The following JUNB variants were observed in gnomAD, a reference collection of about 807,000 sequenced individuals.
The protein encoded by JUNB is transcription factor JunB.
JUNB carries 6 observed loss-of-function variants against 16.4 expected under a neutral mutation model. The ratio of observed to expected loss-of-function variants is 0.37; its 90% CI spans 0.20 to 0.72. The LOEUF (loss-of-function observed/expected upper bound fraction) is 0.72, where lower values mean the gene tolerates loss of function less well. Ranked by LOEUF, JUNB falls within the 30% of genes least tolerant of loss-of-function variation. The pLI, the probability that JUNB is intolerant of heterozygous loss-of-function variation, is 0.53. For missense variants in JUNB, 389 were observed against 492.9 expected (o/e 0.79, Z 2.00); for synonymous variants, 226 against 232.8 (o/e 0.97, Z 0.27).
At position 12,791,656 on chromosome 19, in the gene JUNB, G is replaced by A. The variant is rs1599522864; in HGVS notation, c.-116G>A. ...CTGCTACCCGCCCGCGCCAGCCCCC[G>A]AGAACGCGCGACCAGGCACCCAGTC... On this transcript the variant is annotated 5_prime_UTR_variant, in exon 1 of 1. Transcript: ENST00000302754. This position sits in a 1 kb window ranked among gnomAD's most constrained non-coding sequence, Gnocchi z 7.0. The A allele has an allele frequency of 1.5e-5, 11 of 719,532 alleles. No individual in the cohort carries two copies. The South Asian group carries it at 1.9e-4, about 13-fold the overall frequency. The allele number at this position is 719,532 out of a possible 1,614,324, so 44.6% of individuals were successfully genotyped here.
In JUNB at chr19:12,791,762, G is replaced by C. The variant is rs777534724; in HGVS notation, c.-10G>C. On this transcript the variant is annotated 5_prime_UTR_variant, in exon 1 of 1. Coordinates refer to ENST00000302754, the MANE Select transcript of JUNB (RefSeq NM_002229.3). The surrounding 1 kb of genome is among the most constrained non-coding windows in gnomAD (Gnocchi z 7.0). ...GCAGGGACCCTCCCCAGACCGCCTG[G>C]GCCGCCCGGATGTGCACTAAAATGG... The C allele has an allele frequency of 1.9e-6, 3 of 1,591,732 alleles. No homozygotes were observed. Among genetic ancestry groups the C allele is most frequent in the Non-Finnish European group, 2.6e-6 (3 of 1,165,992 alleles).
chr19:12,792,069 A>G lies in JUNB; in HGVS notation c.298A>G (p.Thr100Ala). 1 of 1,608,090 alleles carries G rather than the reference A, an allele frequency of 6.2e-7. No homozygotes were observed. Among genetic ancestry groups the G allele is most frequent in the Non-Finnish European group, 8.5e-7 (1 of 1,177,944 alleles). The change falls in exon 1 of 1, where the codon ACG becomes GCG. Residue 100 changes from threonine to alanine, a missense_variant. Thr to Ala is a moderately conservative substitution (Grantham distance 58, BLOSUM62 0). Transcript: ENST00000302754. Reference sequence around the variant, plus strand: ...TGTCCCCAACAGCAACGGCGTGATCACGACGACGCCTACACCCCCGGGACA... The same window carrying G: ...TGTCCCCAACAGCAACGGCGTGATCGCGACGACGCCTACACCCCCGGGACA... ...LIVPNSNGVI[T>A]TTPTPPGQYF...
chr19:12,791,824 C>G lies in JUNB; in HGVS notation c.53C>G (p.Thr18Arg), dbSNP rs953847426. The change falls in exon 1 of 1, where the codon ACG becomes AGG. Residue 18 changes from threonine to arginine, a missense_variant. Around this residue, in one of 2 missense-constraint regions of JUNB, gnomAD observed 349 missense variants for 389.8 expected, o/e 0.90. Transcript: ENST00000302754. The surrounding 1 kb of genome is among the most constrained non-coding windows in gnomAD (Gnocchi z 7.0). ...PFYHDDSYTA[T>R]GYGRAPGGLS... ...TACCACGACGACTCATACACAGCTA[C>G]GGGATACGGCCGGGCCCCTGGTGGC... is the stretch of plus-strand genomic sequence containing the variant. 6.2e-7 allele frequency: 1 copy of G among 1,613,624 alleles called. No homozygotes were observed. The highest frequency in any genetic ancestry group is 1.1e-5 in the South Asian group (1 of 91,066).
Position 12,792,152 on chromosome 19 carries a change from C to G in JUNB, c.381C>G (p.Gly127=). ...GAGGTGCAGGGGGCGCAGGGGGCGG[C>G]GTCACCGAGGAGCAGGAGGGCTTCG... ...SGGGAGGAGG[G]VTEEQEGFAD... The change falls in exon 1 of 1, where the codon GGC becomes GGG. Residue 127 remains glycine, a synonymous_variant. Transcript: ENST00000302754. 6.3e-7 allele frequency: 1 copy of G among 1,595,718 alleles called. No individual in the cohort carries two copies. Among genetic ancestry groups the G allele is most frequent in the Non-Finnish European group, 8.5e-7 (1 of 1,172,316 alleles).
rs569922558 is a variant in JUNB, at chr19:12,792,840, C to T, written c.*25C>T. The T allele has an allele frequency of 6.3e-7, 1 of 1,579,028 alleles. No homozygotes were observed. The highest frequency in any genetic ancestry group is 8.7e-7 in the Non-Finnish European group (1 of 1,155,750). ...AACGTCCCCTGCCCCTTTACGGACA[C>T]CCCCTCGCTTGGACGGCTGGGCACA... On this transcript the variant is annotated 3_prime_UTR_variant, in exon 1 of 1. Coordinates refer to ENST00000302754, the MANE Select transcript of JUNB (RefSeq NM_002229.3).
rs1322030147 is a variant in JUNB, at chr19:12,792,862, C to T, written c.*47C>T. 4.5e-6 allele frequency: 7 copies of T among 1,554,356 alleles called. No homozygotes were observed. In the East Asian group the frequency reaches 9.3e-5, roughly 21 times the overall value. ...ACACCCCCTCGCTTGGACGGCTGGG[C>T]ACACGCCTCCCACTGGGGTCCAGGG... On this transcript the variant is annotated 3_prime_UTR_variant, in exon 1 of 1. Transcript: ENST00000302754.
At position 12,792,374 on chromosome 19, in the gene JUNB, C is replaced by T. The variant is rs780859470; in HGVS notation, c.603C>T (p.Ala201=). The change falls in exon 1 of 1, where the codon GCC becomes GCT. Residue 201 remains alanine (A), a synonymous_variant. Transcript: ENST00000302754. ...ASASSGGAGA[A]VGTGSSYPTT... is the part of the protein sequence containing the mutation. ...CGTCCTCGGGAGGCGCCGGGGCTGC[C>T]GTCGGGACCGGGAGCTCGTACCCGA... The T allele has an allele frequency of 1.9e-6, 3 of 1,568,848 alleles. No individual in the cohort carries two copies. The highest frequency in any genetic ancestry group is 1.7e-6 in the Non-Finnish European group (2 of 1,159,692).
Position 12,791,807 on chromosome 19 carries a change from C to G in JUNB, c.36C>G (p.Asp12Glu). The G allele has an allele frequency of 6.2e-7, 1 of 1,612,782 alleles. No homozygotes were observed. Among genetic ancestry groups the G allele is most frequent in the African/African-American group, 1.3e-5 (1 of 75,008 alleles). The change falls in exon 1 of 1, where the codon GAC becomes GAG. Residue 12 changes from aspartate (D) to glutamate (E), a missense_variant. Asp to Glu is a conservative substitution (Grantham distance 45). Transcript: ENST00000302754. This position sits in a 1 kb window ranked among gnomAD's most constrained non-coding sequence, Gnocchi z 7.0. ...CTKMEQPFYH[D>E]DSYTATGYGR... Reference sequence around the variant, plus strand: ...AAATGGAACAGCCCTTCTACCACGACGACTCATACACAGCTACGGGATACG... The same window carrying G: ...AAATGGAACAGCCCTTCTACCACGAGGACTCATACACAGCTACGGGATACG...
At position 12,792,111 on chromosome 19, in the gene JUNB, G is replaced by A. The variant is rs1329014840; in HGVS notation, c.340G>A (p.Gly114Arg). The change falls in exon 1 of 1, where the codon GGG becomes AGG. Residue 114 changes from glycine (G) to arginine (R), a missense_variant. Transcript: ENST00000302754. ...CCCGGGACAGTACTTTTACCCCCGC[G>A]GGGGTGGCAGCGGTGGAGGTGCAGG... ...TPPGQYFYPR[G>R]GGSGGGAGGA... 6 of 1,599,662 alleles carry A rather than the reference G, an allele frequency of 3.8e-6. No homozygotes were observed. The highest frequency in any genetic ancestry group is 4.3e-6 in the Non-Finnish European group (5 of 1,174,090).
Position 12,792,585 on chromosome 19 carries a change from G to C in JUNB, c.814G>C (p.Glu272Gln). The C allele has an allele frequency of 6.4e-7, 1 of 1,564,766 alleles. No individual in the cohort carries two copies. Among genetic ancestry groups the C allele is most frequent in the Non-Finnish European group, 8.7e-7 (1 of 1,155,084 alleles). Reference sequence around the variant, plus strand: ...GGAAGACCAAGAGCGCATCAAAGTGGAGCGCAAGCGGCTGCGGAACCGGCT... The same window carrying C: ...GGAAGACCAAGAGCGCATCAAAGTGCAGCGCAAGCGGCTGCGGAACCGGCT... ...NMEDQERIKVERKRLRNRLAA... is the reference protein window; with the variant it reads ...NMEDQERIKVQRKRLRNRLAA... The change falls in exon 1 of 1, where the codon GAG becomes CAG. Residue 272 changes from glutamate to glutamine, a missense_variant. Physicochemically the swap from Glu to Gln is conservative, Grantham distance 29. Transcript: ENST00000302754.
At position 12,792,923 on chromosome 19, in the gene JUNB, CGCCGCA is replaced by C. The variant is rs746480067; in HGVS notation, c.*109_*114del. 220 of 1,283,756 alleles carry C rather than the reference CGCCGCA, an allele frequency of 1.7e-4. 1 individual carries two copies. The highest frequency in any genetic ancestry group is 1.7e-3 in the Middle Eastern group (8 of 4,834). 79.5% of individuals were successfully genotyped at this position (1,283,756 alleles called of 1,614,324 possible). A position where few individuals can be genotyped will look rare whatever the true frequency, so the allele number is the denominator to read the frequency against. On this transcript the variant is annotated 3_prime_UTR_variant, in exon 1 of 1. Transcript: ENST00000302754. ...GGGCACCCACCCTGGGACCTAGGGG[CGCCGCA>C]AACCACACTGGACTCCGGCCCTCCT... is the stretch of plus-strand genomic sequence containing the variant.
Position 12,791,972 on chromosome 19 carries a change from C to T in JUNB, c.201C>T (p.Ser67=), listed in dbSNP as rs1968722964. The part of the protein sequence containing the change: ...GPGPEGGGGG[S]YFSGQGSDTG... ...GCCCAGAGGGCGGCGGTGGCGGCAG[C>T]TACTTTTCTGGTCAGGGCTCGGACA... Residue 67 remains serine (S), a synonymous_variant, in exon 1 of 1, where the codon AGC becomes AGT. Transcript: ENST00000302754. This position sits in a 1 kb window ranked among gnomAD's most constrained non-coding sequence, Gnocchi z 7.0. The T allele has an allele frequency of 6.2e-7, 1 of 1,611,378 alleles. No individual in the cohort carries two copies. Among genetic ancestry groups the T allele is most frequent in the Non-Finnish European group, 8.5e-7 (1 of 1,179,420 alleles).
Position 12,792,715 on chromosome 19 carries a change from G to A in JUNB, c.944G>A (p.Gly315Asp). The change falls in exon 1 of 1, where the codon GGC becomes GAC. Residue 315 changes from glycine (G) to aspartate (D), a missense_variant. Physicochemically the swap from Gly to Asp is moderately conservative, Grantham distance 94. Coordinates refer to ENST00000302754, the MANE Select transcript of JUNB (RefSeq NM_002229.3). The stretch of plus-strand genomic sequence containing the variant: ...AACGCGGGGCTGTCGAGTACCGCCG[G>A]CCTCCTCCGGGAGCAGGTGGCCCAG... ...AENAGLSSTAGLLREQVAQLK... is the reference protein window; with the variant it reads ...AENAGLSSTADLLREQVAQLK... 6.2e-7 allele frequency: 1 copy of A among 1,604,614 alleles called. No individual in the cohort carries two copies.
chr19:12,791,837 G>C lies in JUNB; in HGVS notation c.66G>C (p.Arg22=). Residue 22 remains arginine (R), a synonymous_variant, in exon 1 of 1, where the codon CGG becomes CGC. Transcript: ENST00000302754. The surrounding 1 kb of genome is among the most constrained non-coding windows in gnomAD (Gnocchi z 7.0). ...DDSYTATGYG[R]APGGLSLHDY... is the part of the protein sequence containing the mutation. ...CATACACAGCTACGGGATACGGCCG[G>C]GCCCCTGGTGGCCTCTCTCTACACG... The C allele has an allele frequency of 6.2e-7, 1 of 1,613,544 alleles. No individual in the cohort carries two copies. The highest frequency in any genetic ancestry group is 1.1e-5 in the South Asian group (1 of 91,056).
Position 12,791,665 on chromosome 19 carries a change from C to A in JUNB, c.-107C>A. On this transcript the variant is annotated 5_prime_UTR_variant, in exon 1 of 1. Transcript: ENST00000302754. The surrounding 1 kb of genome is among the most constrained non-coding windows in gnomAD (Gnocchi z 7.0). ...GCCCGCGCCAGCCCCCGAGAACGCG[C>A]GACCAGGCACCCAGTCCGGTCACCG... is the stretch of plus-strand genomic sequence containing the variant. 1.3e-6 allele frequency: 1 copy of A among 781,728 alleles called. No homozygotes were observed. Among genetic ancestry groups the A allele is most frequent in the Non-Finnish European group, 1.9e-6 (1 of 531,432 alleles). 48.4% of individuals were successfully genotyped at this position (781,728 alleles called of 1,614,324 possible).
Position 12,792,743 on chromosome 19 carries a change from C to G in JUNB, c.972C>G (p.Leu324=), listed in dbSNP as rs777330378. The part of the protein sequence containing the change: ...AGLLREQVAQ[L]KQKVMTHVSN... ...TCCTCCGGGAGCAGGTGGCCCAGCT[C>G]AAACAGAAGGTCATGACCCACGTCA... Residue 324 remains leucine (L), a synonymous_variant, in exon 1 of 1, where the codon CTC becomes CTG. Transcript: ENST00000302754. 1 of 1,611,744 alleles carries G rather than the reference C, an allele frequency of 6.2e-7. No individual in the cohort carries two copies. The highest frequency in any genetic ancestry group is 1.1e-5 in the South Asian group (1 of 90,772).
Position 12,792,249 on chromosome 19 carries a change from GGC to G in JUNB, c.481_482del (p.Ala161TyrfsTer222). ...NHVTPPNVSL[G>X]ATGGPPAGPG... Reference sequence around the variant, plus strand: ...CGTGACACCCCCCAACGTGTCCCTGGGCGCTACCGGGGGGCCCCCGGCTGGGC... The same window carrying G: ...CGTGACACCCCCCAACGTGTCCCTGGGCTACCGGGGGGCCCCCGGCTGGGC... On this transcript the variant is annotated frameshift_variant, in exon 1 of 1. Coordinates refer to ENST00000302754, the MANE Select transcript of JUNB (RefSeq NM_002229.3). LOFTEE classifies it high-confidence loss of function. 1 of 1,505,662 alleles carries G rather than the reference GGC, an allele frequency of 6.6e-7. No individual in the cohort carries two copies. The highest frequency in any genetic ancestry group is 8.9e-7 in the Non-Finnish European group (1 of 1,124,478). The allele number at this position is 1,505,662 out of a possible 1,614,324, so 93.3% of individuals were successfully genotyped here.
rs753977029 is a variant in JUNB at position 12,792,221 on chromosome 19, C to A, written c.450C>A (p.Asn150Lys). ...VKALDDLHKMNHVTPPNVSLG... is the reference protein window; with the variant it reads ...VKALDDLHKMKHVTPPNVSLG... Reference sequence around the variant, plus strand: ...CCCTGGACGATCTGCACAAGATGAACCACGTGACACCCCCCAACGTGTCCC... The same window carrying A: ...CCCTGGACGATCTGCACAAGATGAAACACGTGACACCCCCCAACGTGTCCC... Residue 150 changes from asparagine (N) to lysine (K), a missense_variant, in exon 1 of 1, where the codon AAC becomes AAA. Physicochemically the swap from Asn to Lys is moderately conservative, Grantham distance 94 (BLOSUM62 0). Transcript: ENST00000302754. 5 of 1,539,772 alleles carry A rather than the reference C, an allele frequency of 3.2e-6. No homozygotes were observed. Among genetic ancestry groups the A allele is most frequent in the Non-Finnish European group, 3.5e-6 (4 of 1,139,690 alleles).
Position 12,792,263 on chromosome 19 carries a change from G to T in JUNB, c.492G>T (p.Gly164=), listed in dbSNP as rs1016603290. The T allele has an allele frequency of 2.0e-6, 3 of 1,494,444 alleles. No individual in the cohort carries two copies. Among genetic ancestry groups the T allele is most frequent in the African/African-American group, 2.8e-5 (2 of 70,992 alleles). 92.6% of individuals were successfully genotyped at this position (1,494,444 alleles called of 1,614,324 possible). ...ACGTGTCCCTGGGCGCTACCGGGGG[G>T]CCCCCGGCTGGGCCCGGGGGCGTCT... ...PPNVSLGATG[G]PPAGPGGVYA... is the part of the protein sequence containing the mutation. The change falls in exon 1 of 1, where the codon GGG becomes GGT. Residue 164 remains glycine (G), a synonymous_variant. Coordinates refer to ENST00000302754, the MANE Select transcript of JUNB (RefSeq NM_002229.3).
Sources: gnomAD v4.1 joint callset for allele counts on GRCh38, gnomAD v4.1.1 for gene constraint, gnomAD v4.1.1 regional missense constraint, Gnocchi (gnomAD v3.1) non-coding constraint, MANE v1.5 for transcripts, NCBI Gene and HGNC (gene_info 2026-07-23, HGNC 2026-07-21) for gene names.